Variants in ANKRD11 observed in about 807,000 individuals in gnomAD.
ANKRD11 encodes the protein ankyrin repeat domain-containing protein 11.
A neutral mutation model predicts 195.7 loss-of-function variants in ANKRD11; 17 were observed. The observed-to-expected ratio is 0.09, with a 90% CI of 0.06 to 0.13. The LOEUF (loss-of-function observed/expected upper bound fraction) is 0.13, where lower values mean the gene tolerates loss of function less well. ANKRD11 is among the 10% of genes least tolerant of loss of function. ANKRD11 has a pLI of 1.00. For synonymous variants in ANKRD11, 1,953 were observed against 1,528.1 expected (o/e 1.28, Z -6.49); for missense variants, 3,735 against 3,566.1 (o/e 1.05, Z -1.21).
At chr16:89,462,534 T>A (rs951278800) in intron 1 of ANKRD11, among the ~76,000 whole-genome samples, 10 of 148,652 alleles carry the variant, frequency 6.7e-5, no homozygotes, top group African/African-American at 2.5e-4. Context: ...CCGCCCATCA[T>A]CTGGGATGTG....
intron 3 of ANKRD11, among the ~76,000 whole-genome samples, chr16:89,307,847 TGG>T (rs2036382066): frequency 6.6e-6 from 1 of 152,210 alleles, no homozygotes; most frequent in Non-Finnish European, 1.5e-5. Context: ...GCCCAGGGGG[TGG>T]GTTCCACCAG....
chr16:89,345,208 GA>G (rs1294514099), intron 2 of ANKRD11, among the ~76,000 whole-genome samples: 203 of 148,520 alleles, frequency 1.4e-3, no homozygotes, highest in African/African-American at 4.6e-3. Flanking sequence ...TGTAAAGATG[GA>G]AAAAAAAAAT....
intron 1 of ANKRD11, among the ~76,000 whole-genome samples, chr16:89,428,709 C>T (rs2152264066): frequency 6.6e-6 from 1 of 151,934 alleles, no homozygotes; most frequent in East Asian, 1.9e-4. Flanking sequence ...GCCTGGCCAA[C>T]ATAGTGAAAC....
chr16:89,268,718 A>C, intron 12 of ANKRD11, 55 bp from the exon 13 acceptor site: 1 of 1,541,048 alleles, frequency 6.5e-7, no homozygotes, highest in African/African-American at 1.4e-5. Context: ...AGAGCCCCAG[A>C]CTCTGCCGAC....
At chr16:89,390,863 T>C (rs1016909682) in intron 2 of ANKRD11, among the ~76,000 whole-genome samples, 10 of 152,172 alleles carry the variant, frequency 6.6e-5, no homozygotes, top group African/African-American at 2.4e-4. Context: ...TGCATATCCT[T>C]TGCAAAATCC....
At chr16:89,484,629 G>A (rs531634148) in intron 1 of ANKRD11, among the ~76,000 whole-genome samples, 2 of 152,236 alleles carry the variant, frequency 1.3e-5, no homozygotes, top group East Asian at 1.9e-4. Context: ...AGGTTTATTT[G>A]CTAATTTTAC....
intron 1 of ANKRD11, chr16:89,422,179 T>G (rs2911253): frequency 0.54 from 81,817 of 151,864 alleles, 22,250 homozygotes; most frequent in Middle Eastern, 0.72. Context: ...GAAAGAGCTC[T>G]AGGCCAAACC....
At chr16:89,476,730 GCAA>G (rs1334264682) in intron 1 of ANKRD11, among the ~76,000 whole-genome samples, 4 of 152,200 alleles carry the variant, frequency 2.6e-5, no homozygotes, top group Non-Finnish European at 5.9e-5. Context: ...TACACTTCCA[GCAA>G]AGAGATGGGG....
chr16:89,312,125 C>T lies in ANKRD11; in HGVS notation c.87+4808G>A, dbSNP rs533683586. ...GTTGGCCAGGCTGGTCTCGAACTCC[C>T]GACCTCGGGTGATCCTCATGCCTCG... On this transcript the variant is annotated intron_variant, in intron 3 of 12. Transcript: ENST00000301030. 5.8e-4 allele frequency among the ~76,000 whole-genome samples: 88 copies of T among 152,218 alleles called. 1 individual carries two copies. Among genetic ancestry groups the T allele is most frequent in the African/African-American group, 2.0e-3 (81 of 41,536 alleles).
chr16:89,368,435 C>T lies in ANKRD11; in HGVS notation c.-60+49849G>A, dbSNP rs530772243. ...ATGGGGTTTCACCATCTTGGCCAGGCTGGTCTCGAACTCCTGACCTCGTGA... is the reference window on the plus strand; with the variant it reads ...ATGGGGTTTCACCATCTTGGCCAGGTTGGTCTCGAACTCCTGACCTCGTGA... On this transcript the variant is annotated intron_variant, in intron 2 of 12. Transcript: ENST00000301030. 2.5e-5 allele frequency among the ~76,000 whole-genome samples: 3 copies of T among 121,926 alleles called. No homozygotes were observed. In the East Asian group the frequency reaches 8.2e-4, roughly 33 times the overall value. 80.0% of individuals were successfully genotyped at this position (121,926 alleles called of 152,430 possible).
At chr16:89,293,206 G>A (rs896930349) in intron 4 of ANKRD11, among the ~76,000 whole-genome samples, 14 of 152,162 alleles carry the variant, frequency 9.2e-5, no homozygotes, top group African/African-American at 3.4e-4. Context: ...TTGGAGACAC[G>A]AAGCCCCCTG....
At chr16:89,369,385 C>A (rs1017511665) in intron 2 of ANKRD11, among the ~76,000 whole-genome samples, 6 of 152,206 alleles carry the variant, frequency 3.9e-5, no homozygotes, top group African/African-American at 1.4e-4. Flanking sequence ...CCCGCATGAC[C>A]CTGCCACAGG....
intron 1 of ANKRD11, among the ~76,000 whole-genome samples, chr16:89,467,530 G>A (rs1250448028): frequency 6.6e-6 from 1 of 152,000 alleles, no homozygotes; most frequent in Non-Finnish European, 1.5e-5. Context: ...ACCCAGCTAA[G>A]TTTTATTTTT....
chr16:89,483,578 C>T (rs1339378749), intron 1 of ANKRD11, among the ~76,000 whole-genome samples: 11 of 152,206 alleles, frequency 7.2e-5, no homozygotes. Context: ...CCTGTAATCC[C>T]AGCCCTTTGG....
At chr16:89,363,565 C>A (rs1206612277) in intron 2 of ANKRD11, among the ~76,000 whole-genome samples, 2 of 152,162 alleles carry the variant, frequency 1.3e-5, no homozygotes, top group Non-Finnish European at 2.9e-5. Context: ...AATTCTGAGT[C>A]CAGAATCTAG....
chr16:89,357,381 A>T (rs145526893), intron 2 of ANKRD11, among the ~76,000 whole-genome samples: 1 of 152,224 alleles, frequency 6.6e-6, no homozygotes, highest in Non-Finnish European at 1.5e-5. Flanking sequence ...GGGGCAGGTG[A>T]GCTTGTGGAG....
intron 2 of ANKRD11, among the ~76,000 whole-genome samples, chr16:89,401,543 G>A (rs1034460898): frequency 3.9e-5 from 6 of 152,144 alleles, no homozygotes; most frequent in African/African-American, 1.4e-4. Context: ...TTTTATCTTG[G>A]GTGGAAGGAT....
intron 1 of ANKRD11, among the ~76,000 whole-genome samples, chr16:89,449,913 A>G (rs936939978): frequency 1.3e-5 from 2 of 152,202 alleles, no homozygotes; most frequent in Non-Finnish European, 2.9e-5. Flanking sequence ...TGAAGAATGC[A>G]GTCCTGGCTA....
chr16:89,442,591 A>G (rs1325130320), intron 1 of ANKRD11, among the ~76,000 whole-genome samples: 1 of 152,082 alleles, frequency 6.6e-6, no homozygotes, highest in African/African-American at 2.4e-5. Context: ...ATCATTCAGG[A>G]ACGGTTTTAC....
Sources: allele counts gnomAD v4.1 joint callset (sites outside exome capture counted in the v4.1 genomes callset), GRCh38; gene constraint gnomAD v4.1.1; transcripts MANE v1.5; gene names NCBI Gene and HGNC (gene_info 2026-07-23, HGNC 2026-07-21).